DCAF17: variants seen among roughly 807,000 people sequenced by gnomAD.
DCAF17 encodes DDB1 and CUL4 associated factor 17, also known as DDB1- and CUL4-associated factor 17.
A neutral mutation model predicts 66.0 loss-of-function variants in DCAF17; 48 were observed. The observed-to-expected ratio is 0.73, with a 90% CI of 0.58 to 0.92. The LOEUF (loss-of-function observed/expected upper bound fraction) is 0.92, where lower values mean the gene tolerates loss of function less well. DCAF17 is among the 40% of genes least tolerant of loss of function. The pLI is 0.00. For synonymous variants in DCAF17, 206 were observed against 214.6 expected, an observed-to-expected ratio of 0.96 and a Z score of 0.35; for missense variants, 562 against 622.8, an observed-to-expected ratio of 0.90 and a Z score of 1.04.
chr2:171,477,817 A>G (rs1029464233), intron 11 of DCAF17, among the ~76,000 whole-genome samples, 170 bp from the exon 12 acceptor site: 2 of 152,234 alleles, frequency 1.3e-5, no homozygotes, highest in Non-Finnish European at 2.9e-5. Context: ...CCCTGTCTCA[A>G]AATATGAAAC....
At chr2:171,448,558 ATCTT>A (rs1439996812) in intron 3 of DCAF17, 119 bp from the exon 4 acceptor site, 1 of 846,694 alleles carries the variant, frequency 1.2e-6, no homozygotes, top group Non-Finnish European at 1.7e-6. Context: ...TGGGCATTTA[ATCTT>A]TCTTTTGTGG....
chr2:171,482,820 A>C lies in DCAF17; in HGVS notation c.*1706A>C, dbSNP rs1455869123. ...CTTTTTTGCTGGGGGTAGATGGTGGAATACTTCTGGTCTAGATATAACTTA... is the reference window on the plus strand; with the variant it reads ...CTTTTTTGCTGGGGGTAGATGGTGGCATACTTCTGGTCTAGATATAACTTA... On this transcript the variant is annotated 3_prime_UTR_variant, in exon 14 of 14. Coordinates refer to ENST00000375255, the MANE Select transcript of DCAF17 (RefSeq NM_025000.4). The C allele has an allele frequency of 8.8e-6, 4 of 453,960 alleles. No individual in the cohort carries two copies. The East Asian group carries it at 2.8e-4, about 32-fold the overall frequency. 28.1% of individuals were successfully genotyped at this position (453,960 alleles called of 1,614,324 possible).
chr2:171,455,807 G>A (rs1695225384), intron 6 of DCAF17, among the ~76,000 whole-genome samples: 1 of 152,042 alleles, frequency 6.6e-6, no homozygotes. Flanking sequence ...CCACATGTAT[G>A]CCATCTTTTT....
At position 171,437,946 on chromosome 2, in the gene DCAF17, A is replaced by G. The variant is rs536623497; in HGVS notation, c.230+2760A>G. Among the ~76,000 whole-genome samples, 229 of 152,336 alleles carry G rather than the reference A, an allele frequency of 1.5e-3. 5 individuals carry two copies. In the South Asian group the frequency reaches 0.046, roughly 30 times the overall value. On this transcript the variant is annotated intron_variant, in intron 2 of 13. Coordinates refer to ENST00000375255, the MANE Select transcript of DCAF17 (RefSeq NM_025000.4). ...TTCTTTTACTAGTTTCCTAAGGTAGAAACTTAGATTACGATTTGAAGTCTT... is the reference window on the plus strand; with the variant it reads ...TTCTTTTACTAGTTTCCTAAGGTAGGAACTTAGATTACGATTTGAAGTCTT...
intron 5 of DCAF17, among the ~76,000 whole-genome samples, chr2:171,451,603 G>T (rs1469556760): frequency 6.6e-6 from 1 of 152,208 alleles, no homozygotes; most frequent in Non-Finnish European, 1.5e-5. Context: ...TTGAGACGGA[G>T]TCTCGCTTTG....
At chr2:171,434,923 A>C in intron 1 of DCAF17, 160 bp from the exon 2 acceptor site, 1 of 1,041,446 alleles carries the variant, frequency 9.6e-7, no homozygotes, top group South Asian at 1.7e-5. Context: ...ATTATTCTAA[A>C]AGTTGGTCAC....
At chr2:171,438,863 A>G (rs942652786) in intron 2 of DCAF17, among the ~76,000 whole-genome samples, 3 of 125,224 alleles carry the variant, frequency 2.4e-5, no homozygotes, top group Non-Finnish European at 1.8e-5. Flanking sequence ...CAGCCTCCCA[A>G]GTAGCTAGGA....
At chr2:171,447,910 C>T (rs1186554262) in intron 3 of DCAF17, among the ~76,000 whole-genome samples, 1 of 152,246 alleles carries the variant, frequency 6.6e-6, no homozygotes, top group Non-Finnish European at 1.5e-5. Context: ...CTATCCTCTC[C>T]CTTTTCTAGG....
intron 2 of DCAF17, chr2:171,443,249 C>A: frequency 8.2e-6 from 2 of 244,690 alleles, no homozygotes; most frequent in East Asian, 8.9e-5. Flanking sequence ...AAACAACGTC[C>A]AGGTACGTAT....
At chr2:171,460,922 A>C (rs957165582) in intron 8 of DCAF17, among the ~76,000 whole-genome samples, 1 of 152,134 alleles carries the variant, frequency 6.6e-6, no homozygotes, top group African/African-American at 2.4e-5. Context: ...CTATGAAATC[A>C]TTTGTCATTG....
Position 171,482,178 on chromosome 2 carries a change from T to C in DCAF17, c.*1064T>C, listed in dbSNP as rs1157232342. 1.5e-5 allele frequency: 7 copies of C among 451,646 alleles called. No individual in the cohort carries two copies. The East Asian group carries it at 4.9e-4, about 31-fold the overall frequency. 28.0% of individuals were successfully genotyped at this position (451,646 alleles called of 1,614,324 possible). A position where few individuals can be genotyped will look rare whatever the true frequency, so the allele number is the denominator to read the frequency against. The stretch of plus-strand genomic sequence containing the variant: ...CCAAGTAAAGGGAGAAAATGTTTCT[T>C]TGTGCTTCCTGTTTGAGAAATTCAG... On this transcript the variant is annotated 3_prime_UTR_variant, in exon 14 of 14. Transcript: ENST00000375255.
chr2:171,437,958 C>T lies in DCAF17; in HGVS notation c.230+2772C>T, dbSNP rs79629880. Among the ~76,000 whole-genome samples the T allele has an allele frequency of 5.7e-3, 861 of 152,314 alleles. 10 individuals carry two copies. Among genetic ancestry groups the T allele is most frequent in the African/African-American group, 0.02 (842 of 41,568 alleles). ...TTTCCTAAGGTAGAAACTTAGATTACGATTTGAAGTCTTTCTCCTTTTCTG... is the reference window on the plus strand; with the variant it reads ...TTTCCTAAGGTAGAAACTTAGATTATGATTTGAAGTCTTTCTCCTTTTCTG... On this transcript the variant is annotated intron_variant, in intron 2 of 13. Coordinates refer to ENST00000375255, the MANE Select transcript of DCAF17 (RefSeq NM_025000.4).
At position 171,480,907 on chromosome 2, in the gene DCAF17, A is replaced by T. The variant is rs564361141; in HGVS notation, c.1423-67A>T. On this transcript the variant is annotated intron_variant, in intron 13 of 13. Coordinates refer to ENST00000375255, the MANE Select transcript of DCAF17 (RefSeq NM_025000.4). ...AGATCCCTAGCATAGGTACTGTGACATTTTAGTAACACAGTAGTGAATATG... is the reference window on the plus strand; with the variant it reads ...AGATCCCTAGCATAGGTACTGTGACTTTTTAGTAACACAGTAGTGAATATG... The T allele has an allele frequency of 2.5e-6, 4 of 1,599,378 alleles. No individual in the cohort carries two copies. In the African/African-American group the frequency reaches 4.0e-5, roughly 16 times the overall value.
intron 2 of DCAF17, among the ~76,000 whole-genome samples, chr2:171,439,593 C>T (rs966893839): frequency 2.1e-5 from 3 of 145,824 alleles, no homozygotes; most frequent in African/African-American, 7.6e-5. Flanking sequence ...CTTTTCCCAG[C>T]TCTGATCCTG....
rs747211504 is a variant in DCAF17, at chr2:171,484,911, ATTCAT to A, written c.*3801_*3805del. On this transcript the variant is annotated 3_prime_UTR_variant, in exon 14 of 14. Transcript: ENST00000375255. Reference sequence around the variant, plus strand: ...ATTCATGTTGTTGCATGTGTCAGTGATTCATTTCTTTTTATTGCTGAGTATTCTTT... The same window carrying A: ...ATTCATGTTGTTGCATGTGTCAGTGATTCTTTTTATTGCTGAGTATTCTTT... 4.4e-6 allele frequency: 2 copies of A among 453,738 alleles called. No individual in the cohort carries two copies. Among genetic ancestry groups the A allele is most frequent in the South Asian group, 1.6e-5 (1 of 64,422 alleles). The allele number at this position is 453,738 out of a possible 1,614,324, so 28.1% of individuals were successfully genotyped here.
chr2:171,434,783 C>A (rs1693725649), intron 1 of DCAF17, 80 bp downstream of exon 1: 2 of 1,385,598 alleles, frequency 1.4e-6, no homozygotes, highest in South Asian at 3.3e-5. Flanking sequence ...GCGGTTTTAA[C>A]GCGCTGGGGC....
intron 3 of DCAF17, among the ~76,000 whole-genome samples, chr2:171,448,385 C>T (rs1186055749): frequency 6.6e-6 from 1 of 151,840 alleles, no homozygotes; most frequent in African/African-American, 2.4e-5. Flanking sequence ...TCATTGTCTT[C>T]TACTGTTATT....
intron 10 of DCAF17, chr2:171,474,459 T>G (rs767450484): frequency 6.1e-6 from 1 of 165,026 alleles, no homozygotes; most frequent in Non-Finnish European, 1.3e-5. Context: ...ATTTTCCTAT[T>G]TCATCTATCT....
intron 3 of DCAF17, among the ~76,000 whole-genome samples, chr2:171,448,361 T>C (rs778753121): frequency 1.6e-4 from 25 of 152,220 alleles, no homozygotes; most frequent in Non-Finnish European, 2.6e-4. Flanking sequence ...GTTATTGTTA[T>C]CACAGAGGTA....
Sources: allele counts gnomAD v4.1 joint callset (sites outside exome capture counted in the v4.1 genomes callset), GRCh38; gene constraint gnomAD v4.1.1; transcripts MANE v1.5; gene names NCBI Gene and HGNC (gene_info 2026-07-23, HGNC 2026-07-21).